COG6: variants seen among roughly 807,000 people sequenced by gnomAD.
COG6 encodes component of oligomeric golgi complex 6.
Under a neutral mutation model 88.8 loss-of-function variants are expected in COG6, and 74 were observed. The observed-to-expected ratio is 0.83, with a 90% confidence interval of 0.69 to 1.01. The LOEUF is 1.01. Ranked by LOEUF, COG6 falls within the 50% of genes least tolerant of loss-of-function variation. The pLI, the probability that COG6 is intolerant of heterozygous loss-of-function variation, is 0.00. For synonymous variants in COG6, 286 were observed against 278.7 expected (o/e 1.03, Z -0.26); for missense variants, 800 against 797.9 (o/e 1.00, Z -0.03).
intron 8 of COG6, among the ~76,000 whole-genome samples, chr13:39,686,541 G>A (rs1350628536): frequency 6.6e-6 from 1 of 152,044 alleles, no homozygotes; most frequent in African/African-American, 2.4e-5. Context: ...TTTTAAAAAG[G>A]TATTTGCTTG....
In COG6 at chr13:39,694,700, C is replaced by T. The variant is rs760641442; in HGVS notation, c.1141C>T (p.Leu381Phe). The T allele has an allele frequency of 6.3e-7, 1 of 1,588,300 alleles. No individual in the cohort carries two copies. The highest frequency in any genetic ancestry group is 8.6e-7 in the Non-Finnish European group (1 of 1,159,802). The change falls in exon 12 of 19, where the codon CTC becomes TTC. Residue 381 changes from leucine (L) to phenylalanine (F), a missense_variant. Transcript: ENST00000455146. ...TTTATTATATAAAATTTCTAATCTC[C>T]TCAAATTTTATCACCATACAATCAG... ...AVLLYKISNL[L>F]KFYHHTISGI...
intron 18 of COG6, among the ~76,000 whole-genome samples, chr13:39,748,986 C>CA (rs1241965503): frequency 6.6e-6 from 1 of 152,050 alleles, no homozygotes; most frequent in South Asian, 2.1e-4. Flanking sequence ...CCATTATTAT[C>CA]AAAAAAGAAC....
At chr13:39,759,925 T>C (rs79173166) in intron 18 of COG6, among the ~76,000 whole-genome samples, 1,794 of 152,308 alleles carry the variant, frequency 0.012, 14 homozygotes, top group Non-Finnish European at 0.02. Context: ...TTTGAGGGTA[T>C]ATAGCATCTT....
intron 11 of COG6, among the ~76,000 whole-genome samples, chr13:39,690,620 A>C (rs1876928922): frequency 6.6e-6 from 1 of 151,858 alleles, no homozygotes; most frequent in Admixed American, 6.6e-5. Context: ...TTAGTAATTA[A>C]TTTTTCAAGA....
intron 13 of COG6, among the ~76,000 whole-genome samples, chr13:39,709,288 TTTTA>T (rs1407046303): frequency 5.9e-5 from 9 of 152,064 alleles, no homozygotes; most frequent in African/African-American, 1.9e-4. Flanking sequence ...AACATTTTCC[TTTTA>T]TTTATTTTTA....
intron 4 of COG6, among the ~76,000 whole-genome samples, chr13:39,674,269 T>A (rs1223520567): frequency 6.9e-6 from 1 of 144,754 alleles, no homozygotes; most frequent in African/African-American, 2.5e-5. Flanking sequence ...TATCATCGAA[T>A]AGTGATGAAT....
chr13:39,741,999 A>C (rs979664046), intron 18 of COG6, among the ~76,000 whole-genome samples: 2 of 152,186 alleles, frequency 1.3e-5, no homozygotes, highest in Non-Finnish European at 2.9e-5. Flanking sequence ...TATCCAGACA[A>C]ACTAAGCTTC....
chr13:39,688,980 CT>C (rs1456953349), intron 10 of COG6, among the ~76,000 whole-genome samples: 1 of 152,156 alleles, frequency 6.6e-6, no homozygotes, highest in Non-Finnish European at 1.5e-5. Context: ...GGTGGTAATA[CT>C]AACTTTATAG....
chr13:39,747,234 C>G (rs1263344849), intron 18 of COG6, among the ~76,000 whole-genome samples: 1 of 152,056 alleles, frequency 6.6e-6, no homozygotes, highest in Non-Finnish European at 1.5e-5. Flanking sequence ...AGTGTAGGAA[C>G]CTGTTGCTTT....
intron 11 of COG6, among the ~76,000 whole-genome samples, chr13:39,691,429 A>G (rs1405087777): frequency 1.3e-5 from 2 of 151,994 alleles, no homozygotes; most frequent in African/African-American, 4.8e-5. Flanking sequence ...GTAAGATGCC[A>G]AAGGTAAAGA....
intron 4 of COG6, among the ~76,000 whole-genome samples, chr13:39,671,018 A>C (rs1268878974): frequency 1.3e-5 from 2 of 151,968 alleles, no homozygotes; most frequent in African/African-American, 2.4e-5. Flanking sequence ...GGGGAGCATC[A>C]CATCTCCTTT....
chr13:39,664,290 G>A (rs1875103933), intron 3 of COG6, among the ~76,000 whole-genome samples: 1 of 152,134 alleles, frequency 6.6e-6, no homozygotes, highest in Admixed American at 6.6e-5. Context: ...CTTTACTAAT[G>A]ACTTAATTTA....
rs143782383 is a variant in COG6 at position 39,675,103 on chromosome 13, A to G, written c.429-2365A>G. 3.5e-3 allele frequency among the ~76,000 whole-genome samples: 530 copies of G among 152,184 alleles called. 2 individuals carry two copies. The highest frequency in any genetic ancestry group is 0.012 in the African/African-American group (503 of 41,556). ...ATATTTCACATATTATTATTTATTT[A>G]TATAATATACAGTGATTGCACAAAC... On this transcript the variant is annotated intron_variant, in intron 4 of 18. Transcript: ENST00000455146.
At chr13:39,786,151 G>A (rs1456391476) in intron 18 of COG6, among the ~76,000 whole-genome samples, 1 of 152,136 alleles carries the variant, frequency 6.6e-6, no homozygotes, top group Non-Finnish European at 1.5e-5. Context: ...GCTAGCAAAG[G>A]AAGCTATATG....
intron 18 of COG6, among the ~76,000 whole-genome samples, chr13:39,785,709 T>C (rs1881752696): frequency 6.6e-6 from 1 of 152,228 alleles, no homozygotes; most frequent in Non-Finnish European, 1.5e-5. Flanking sequence ...TTAATATTTT[T>C]GATAGGGCAT....
chr13:39,686,464 G>T (rs1876645391), intron 8 of COG6, among the ~76,000 whole-genome samples: 1 of 152,106 alleles, frequency 6.6e-6, no homozygotes, highest in African/African-American at 2.4e-5. Flanking sequence ...TTCCCTACCA[G>T]TTCCTTCACC....
At chr13:39,781,100 A>AT (rs1431614906) in intron 18 of COG6, among the ~76,000 whole-genome samples, 1 of 152,104 alleles carries the variant, frequency 6.6e-6, no homozygotes, top group East Asian at 1.9e-4. Flanking sequence ...TCCCCTTCTT[A>AT]AAGATGTTTC....
chr13:39,732,369 T>C (rs762915293), intron 18 of COG6, among the ~76,000 whole-genome samples: 1 of 152,152 alleles, frequency 6.6e-6, no homozygotes, highest in Non-Finnish European at 1.5e-5. Context: ...ACATCTATAA[T>C]GCTAAGCATG....
intron 17 of COG6, among the ~76,000 whole-genome samples, chr13:39,725,642 A>G (rs1005638274): frequency 1.3e-5 from 2 of 151,480 alleles, no homozygotes; most frequent in Non-Finnish European, 1.5e-5. Context: ...AAGAAACATT[A>G]TGTCGTGATA....
Sources: gnomAD v4.1 joint callset for allele counts (sites outside exome capture counted in the v4.1 genomes callset) on GRCh38, gnomAD v4.1.1 for gene constraint, MANE v1.5 for transcripts, NCBI Gene and HGNC (gene_info 2026-07-23, HGNC 2026-07-21) for gene names.